Variants in HCRTR2 observed in about 807,000 individuals in gnomAD.
HCRTR2 encodes the protein orexin receptor type 2.
Under a neutral mutation model 49.0 loss-of-function variants are expected in HCRTR2, and 22 were observed. The ratio of observed to expected loss-of-function variants is 0.45; its 90% confidence interval spans 0.32 to 0.64. The LOEUF is 0.64. Ranked by LOEUF, HCRTR2 falls within the 30% of genes least tolerant of loss-of-function variation. The pLI, the probability that HCRTR2 is intolerant of heterozygous loss-of-function variation, is 0.04. For missense variants in HCRTR2, 491 were observed against 559.4 expected, an observed-to-expected ratio of 0.88 and a Z score of 1.23; for synonymous variants, 236 against 205.3, an observed-to-expected ratio of 1.15 and a Z score of -1.28.
intron 5 of HCRTR2, among the ~76,000 whole-genome samples, chr6:55,279,908 A>G (rs17750259): frequency 6.6e-6 from 1 of 152,114 alleles, no homozygotes; most frequent in African/African-American, 2.4e-5. Flanking sequence ...TGATCAATAC[A>G]TAAATGAAAG....
intron 4 of HCRTR2, among the ~76,000 whole-genome samples, chr6:55,274,653 T>G (rs1003975422): frequency 1.3e-5 from 2 of 152,038 alleles, no homozygotes; most frequent in Non-Finnish European, 2.9e-5. Context: ...AGACTTGATT[T>G]TTTGAGTGGT....
intron 1 of HCRTR2, among the ~76,000 whole-genome samples, chr6:55,248,033 T>G (rs79015387): frequency 0.17 from 26,307 of 152,100 alleles, 2,769 homozygotes; most frequent in Non-Finnish European, 0.24. Context: ...TTAATTTCCT[T>G]TGTCTCAGCT....
intron 4 of HCRTR2, among the ~76,000 whole-genome samples, chr6:55,270,793 C>T (rs1766958578): frequency 6.6e-6 from 1 of 152,142 alleles, no homozygotes; most frequent in African/African-American, 2.4e-5. Flanking sequence ...CAAAAAAACT[C>T]ACATCTGAAA....
chr6:55,133,357 G>C (rs1378698908), intron 1 of HCRTR2, among the ~76,000 whole-genome samples: 1 of 147,104 alleles, frequency 6.8e-6, no homozygotes, highest in African/African-American at 2.5e-5. Context: ...GTGTGTGAGA[G>C]AGAGATCATA....
At chr6:55,138,955 G>A (rs1439454101) in intron 1 of HCRTR2, among the ~76,000 whole-genome samples, 1 of 152,172 alleles carries the variant, frequency 6.6e-6, no homozygotes, top group African/African-American at 2.4e-5. Flanking sequence ...CTTGACATAT[G>A]GAAGCCCTCT....
At chr6:55,177,187 C>T (rs1304784939) in intron 1 of HCRTR2, among the ~76,000 whole-genome samples, 1 of 152,130 alleles carries the variant, frequency 6.6e-6, no homozygotes, top group African/African-American at 2.4e-5. Context: ...ATGGCCAATT[C>T]CATTCAGCCT....
rs547846580 is a variant in HCRTR2, at chr6:55,220,121, G to GA, written c.224-28509dup. Among the ~76,000 whole-genome samples the GA allele has an allele frequency of 2.3e-3, 345 of 151,000 alleles. 5 individuals carry two copies. Among genetic ancestry groups the GA allele is most frequent in the Admixed American group, 3.8e-3 (58 of 15,134 alleles). On this transcript the variant is annotated intron_variant, in intron 1 of 6. Coordinates refer to ENST00000370862, the MANE Select transcript of HCRTR2 (RefSeq NM_001384272.1). Reference sequence around the variant, plus strand: ...TGGAGAATTCTGCCAACATTTAATAGAAAAAAAAATGCCAATTCTTCTCAA... The same window carrying GA: ...TGGAGAATTCTGCCAACATTTAATAGAAAAAAAAAATGCCAATTCTTCTCAA...
At chr6:55,210,242 A>C (rs1220775485) in intron 1 of HCRTR2, among the ~76,000 whole-genome samples, 1 of 152,142 alleles carries the variant, frequency 6.6e-6, no homozygotes, top group African/African-American at 2.4e-5. Flanking sequence ...AAACTACTAA[A>C]TACAAATAAA....
At position 55,255,139 on chromosome 6, in the gene HCRTR2, G is replaced by A. The variant is rs1455076536; in HGVS notation, c.406G>A (p.Val136Met). The A allele has an allele frequency of 8.1e-6, 13 of 1,613,652 alleles. No homozygotes were observed. Among genetic ancestry groups the A allele is most frequent in the African/African-American group, 1.3e-5 (1 of 74,944 alleles). Residue 136 changes from valine (V) to methionine (M), a missense_variant, in exon 3 of 7, where the codon GTG (valine) becomes ATG (methionine). Transcript: ENST00000370862. ...LCKVIPYLQT[V>M]SVSVSVLTLS... is the part of the protein sequence containing the mutation. Reference sequence around the variant, plus strand: ...CTATGATCTTTCTTTTCTCTAGACCGTGTCGGTGTCTGTGTCTGTCCTCAC... The same window carrying A: ...CTATGATCTTTCTTTTCTCTAGACCATGTCGGTGTCTGTGTCTGTCCTCAC...
chr6:55,195,699 T>C (rs1362634216), intron 1 of HCRTR2, among the ~76,000 whole-genome samples: 2 of 151,998 alleles, frequency 1.3e-5, no homozygotes, highest in Admixed American at 6.6e-5. Context: ...TGGCCGGGCG[T>C]GGTGGCTCAC....
At chr6:55,120,413 G>T (rs1367309247) in intron 1 of HCRTR2, among the ~76,000 whole-genome samples, 3 of 151,974 alleles carry the variant, frequency 2.0e-5, no homozygotes, top group East Asian at 1.9e-4. Context: ...CTATTTGTTT[G>T]TGCCCTCTCT....
At chr6:55,179,703 A>T (rs1431673435) in intron 1 of HCRTR2, among the ~76,000 whole-genome samples, 2 of 152,226 alleles carry the variant, frequency 1.3e-5, no homozygotes, top group Non-Finnish European at 2.9e-5. Context: ...AAACTCAAAC[A>T]TAAACACAAT....
chr6:55,223,803 T>C (rs1765945011), intron 1 of HCRTR2, among the ~76,000 whole-genome samples: 1 of 152,208 alleles, frequency 6.6e-6, no homozygotes, highest in South Asian at 2.1e-4. Context: ...TATATTTCAG[T>C]ACTTCTTTTA....
At chr6:55,188,736 G>C (rs147417664) in intron 1 of HCRTR2, among the ~76,000 whole-genome samples, 2 of 152,124 alleles carry the variant, frequency 1.3e-5, no homozygotes. Flanking sequence ...CTAATCTTGT[G>C]GGGGAGACTA....
intron 1 of HCRTR2, among the ~76,000 whole-genome samples, chr6:55,168,932 A>G (rs1423280800): frequency 6.6e-6 from 1 of 151,992 alleles, no homozygotes; most frequent in Non-Finnish European, 1.5e-5. Context: ...AAAGTTACTT[A>G]CTTCCGTCTG....
At chr6:55,257,157 T>A (rs923019722) in intron 3 of HCRTR2, among the ~76,000 whole-genome samples, 4 of 152,088 alleles carry the variant, frequency 2.6e-5, no homozygotes, top group Admixed American at 6.6e-5. Context: ...TAGGGGCAGA[T>A]AGTGTAAATA....
chr6:55,262,649 T>C (rs1766787755), intron 3 of HCRTR2, among the ~76,000 whole-genome samples: 1 of 139,546 alleles, frequency 7.2e-6, no homozygotes, highest in African/African-American at 2.6e-5. Context: ...TATAAATATA[T>C]AATGATTATA....
intron 1 of HCRTR2, among the ~76,000 whole-genome samples, chr6:55,238,181 C>T (rs1766250133): frequency 6.6e-6 from 1 of 152,132 alleles, no homozygotes; most frequent in African/African-American, 2.4e-5. Flanking sequence ...TATCCTTTAT[C>T]CCCTAGCTCA....
intron 1 of HCRTR2, among the ~76,000 whole-genome samples, chr6:55,230,862 G>A (rs1400387377): frequency 1.3e-5 from 2 of 148,280 alleles, no homozygotes; most frequent in African/African-American, 2.5e-5. Flanking sequence ...TTTTTTTTAC[G>A]GTTCATTTCT....
Sources: allele counts gnomAD v4.1 joint callset (sites outside exome capture counted in the v4.1 genomes callset), GRCh38; gene constraint gnomAD v4.1.1; transcripts MANE v1.5; gene names NCBI Gene and HGNC (gene_info 2026-07-23, HGNC 2026-07-21).